The following PRDM9 variants were observed in gnomAD, a reference collection of about 807,000 sequenced individuals.
PRDM9 encodes the protein PR/SET domain 9.
Under a neutral mutation model 55.6 loss-of-function variants are expected in PRDM9, and 47 were observed. That is an observed-to-expected ratio of 0.85 (90% confidence interval 0.67 to 1.08). The LOEUF (loss-of-function observed/expected upper bound fraction) is 1.08. PRDM9 is among the 50% of genes least tolerant of loss of function. The pLI, the probability that PRDM9 is intolerant of heterozygous loss-of-function variation, is 0.00. For synonymous variants in PRDM9, 312 were observed against 375.7 expected (o/e 0.83, Z 1.96); for missense variants, 867 against 1,040.3 (o/e 0.83, Z 2.29).
intron 7 of PRDM9, 86 bp downstream of exon 7, chr5:23,522,491 T>C: frequency 6.3e-7 from 1 of 1,583,710 alleles, no homozygotes; most frequent in Non-Finnish European, 8.7e-7. Context: ...ATCATTCCCT[T>C]ACTCTAATGA....
At chr5:23,523,018 G>A (rs900975630) in intron 8 of PRDM9, 133 bp downstream of exon 8, 2 of 1,495,818 alleles carry the variant, frequency 1.3e-6, no homozygotes, top group African/African-American at 1.4e-5. Flanking sequence ...AAGGTTCTTT[G>A]CATGAACACG....
chr5:23,514,998 C>T (rs1739177289), intron 4 of PRDM9, among the ~76,000 whole-genome samples: 4 of 149,652 alleles, frequency 2.7e-5, no homozygotes, highest in East Asian at 2.0e-4. Flanking sequence ...AGTTTCGCTC[C>T]TGTTGCCCAG....
At chr5:23,510,693 A>G (rs1206969784) in intron 4 of PRDM9, among the ~76,000 whole-genome samples, 5 of 151,302 alleles carry the variant, frequency 3.3e-5, no homozygotes, top group Admixed American at 6.6e-5. Flanking sequence ...ATTATTACAG[A>G]CAAGGTCTCA....
At chr5:23,515,922 T>C (rs545207129) in intron 4 of PRDM9, among the ~76,000 whole-genome samples, 1 of 152,370 alleles carries the variant, frequency 6.6e-6, no homozygotes, top group East Asian at 1.9e-4. Flanking sequence ...AGCTTTGTAA[T>C]ATGCTTTGAA....
At position 23,527,938 on chromosome 5, in the gene PRDM9, A is replaced by G; in HGVS notation, c.*165A>G. The G allele has an allele frequency of 1.1e-6, 1 of 889,428 alleles. No homozygotes were observed. The highest frequency in any genetic ancestry group is 2.6e-5 in the East Asian group (1 of 37,916). 55.1% of individuals were successfully genotyped at this position (889,428 alleles called of 1,614,324 possible). A position where few individuals can be genotyped will look rare whatever the true frequency, so the allele number is the denominator to read the frequency against. On this transcript the variant is annotated 3_prime_UTR_variant, in exon 11 of 11. Transcript: ENST00000296682. ...AAATAACTGATTAAACAAATCCGCCACTTTCATGACTAGAGATGAGGAAGA... is the reference window on the plus strand; with the variant it reads ...AAATAACTGATTAAACAAATCCGCCGCTTTCATGACTAGAGATGAGGAAGA...
chr5:23,517,489 G>C (rs1206087838), intron 4 of PRDM9, among the ~76,000 whole-genome samples: 3 of 151,930 alleles, frequency 2.0e-5, no homozygotes, highest in Admixed American at 2.0e-4. Flanking sequence ...TCTCTAATGA[G>C]AAACTCCAGA....
At chr5:23,517,085 G>A (rs1439416980) in intron 4 of PRDM9, among the ~76,000 whole-genome samples, 3 of 149,304 alleles carry the variant, frequency 2.0e-5, no homozygotes, top group Non-Finnish European at 3.0e-5. Flanking sequence ...CCCACGAGGC[G>A]GAGCTTGCAG....
Position 23,517,711 on chromosome 5 carries a change from C to A in PRDM9, c.302-170C>A, listed in dbSNP as rs559290487. 1.2e-4 allele frequency among the ~76,000 whole-genome samples: 18 copies of A among 152,176 alleles called. 1 individual carries two copies. The highest frequency in any genetic ancestry group is 4.1e-4 in the African/African-American group (17 of 41,538). On this transcript the variant is annotated intron_variant, in intron 4 of 10. Transcript: ENST00000296682. ...CTGAGGCAGGAGAATCGCTTGAATC[C>A]GGGAGAGGGAGGTTGCAGTGAGTGG... is the stretch of plus-strand genomic sequence containing the variant.
Position 23,509,052 on chromosome 5 carries a change from C to G in PRDM9, c.19C>G (p.Gln7Glu), listed in dbSNP as rs752853088. The G allele has an allele frequency of 1.9e-6, 3 of 1,614,058 alleles. No homozygotes were observed. Among genetic ancestry groups the G allele is most frequent in the Non-Finnish European group, 2.5e-6 (3 of 1,179,992 alleles). ...CAGCACCATGAGCCCTGAAAAGTCCCAAGAGGAGAGCCCAGAAGAAGACAC... is the reference window on the plus strand; with the variant it reads ...CAGCACCATGAGCCCTGAAAAGTCCGAAGAGGAGAGCCCAGAAGAAGACAC... Reference protein sequence around the residue: MSPEKSQEESPEEDTER... With the variant: MSPEKSEEESPEEDTER... Residue 7 changes from glutamine (Q) to glutamate (E), a missense_variant, in exon 2 of 11, where the codon CAA (glutamine) becomes GAA (glutamate). Transcript: ENST00000296682.
At chr5:23,525,095 A>G (rs891272877) in intron 10 of PRDM9, among the ~76,000 whole-genome samples, 2 of 152,204 alleles carry the variant, frequency 1.3e-5, no homozygotes, top group South Asian at 2.1e-4. Flanking sequence ...TCCAGAAAGA[A>G]TACCTGGGGA....
At chr5:23,512,777 C>T (rs1358884484) in intron 4 of PRDM9, among the ~76,000 whole-genome samples, 1 of 152,108 alleles carries the variant, frequency 6.6e-6, no homozygotes, top group Non-Finnish European at 1.5e-5. Context: ...CAATAACACC[C>T]CATTTCCTCC....
chr5:23,522,430 C>A (rs772507310), intron 7 of PRDM9, 25 bp downstream of exon 7: 1 of 1,599,658 alleles, frequency 6.3e-7, no homozygotes, highest in Non-Finnish European at 8.6e-7. Context: ...TGGCCACTCA[C>A]ACAGCTTGCT....
chr5:23,523,433 A>G (rs1400924458), intron 9 of PRDM9, 75 bp downstream of exon 9: 1 of 1,453,244 alleles, frequency 6.9e-7, no homozygotes, highest in Non-Finnish European at 9.7e-7. Context: ...CCTTATCATT[A>G]TGCCTCCCTC....
intron 4 of PRDM9, among the ~76,000 whole-genome samples, chr5:23,511,579 A>T (rs1420372700): frequency 6.6e-6 from 1 of 151,762 alleles, no homozygotes; most frequent in East Asian, 1.9e-4. Flanking sequence ...CTCCTTACCC[A>T]CCTCAGTCCA....
chr5:23,509,049 TC>T lies in PRDM9; in HGVS notation c.19del (p.Gln7LysfsTer48). On this transcript the variant is annotated frameshift_variant, in exon 2 of 11. Transcript: ENST00000296682. LOFTEE classifies it high-confidence loss of function. Reference sequence around the variant, plus strand: ...TCCCAGCACCATGAGCCCTGAAAAGTCCCAAGAGGAGAGCCCAGAAGAAGAC... The same window carrying T: ...TCCCAGCACCATGAGCCCTGAAAAGTCCAAGAGGAGAGCCCAGAAGAAGAC... Reference protein sequence around the residue: MSPEKSQEESPEEDTE... With the variant: MSPEKXQEESPEEDTE... 1 of 1,613,916 alleles carries T rather than the reference TC, an allele frequency of 6.2e-7. No individual in the cohort carries two copies. Among genetic ancestry groups the T allele is most frequent in the Non-Finnish European group, 8.5e-7 (1 of 1,179,972 alleles).
chr5:23,522,917 T>A, intron 8 of PRDM9, 32 bp downstream of exon 8: 2 of 1,614,240 alleles, frequency 1.2e-6, no homozygotes, highest in Non-Finnish European at 1.7e-6. Context: ...CCCTGTTCTG[T>A]CTTCCCACAT....
rs182233111 is a variant in PRDM9 at position 23,510,157 on chromosome 5, C to T, written c.301+130C>T. 11,810 of 899,416 alleles carry T rather than the reference C, an allele frequency of 0.013. 144 individuals are homozygous for T. Among genetic ancestry groups the T allele is most frequent in the Middle Eastern group, 0.037 (128 of 3,454 alleles). The allele number at this position is 899,416 out of a possible 1,614,324, so 55.7% of individuals were successfully genotyped here. A position where few individuals can be genotyped will look rare whatever the true frequency, so the allele number is the denominator to read the frequency against. On this transcript the variant is annotated intron_variant, in intron 4 of 10. Transcript: ENST00000296682. Reference sequence around the variant, plus strand: ...GCAATCTCCACCTCCCAGGTTCAAGCGATTCTCCTGCCTCAGCCTCCCAAG... The same window carrying T: ...GCAATCTCCACCTCCCAGGTTCAAGTGATTCTCCTGCCTCAGCCTCCCAAG...
chr5:23,520,890 C>T lies in PRDM9; in HGVS notation c.352-133C>T, dbSNP rs977155594. ...CTCACTTAGACCTTCTCTTTTCCCTCTAGTATTTAGACACTCTAGGTATTT... is the reference window on the plus strand; with the variant it reads ...CTCACTTAGACCTTCTCTTTTCCCTTTAGTATTTAGACACTCTAGGTATTT... On this transcript the variant is annotated intron_variant, in intron 5 of 10. Coordinates refer to ENST00000296682, the MANE Select transcript of PRDM9 (RefSeq NM_020227.4). 7.6e-6 allele frequency: 8 copies of T among 1,057,002 alleles called. No homozygotes were observed. In the African/African-American group the frequency reaches 9.5e-5, roughly 12 times the overall value. 65.5% of individuals were successfully genotyped at this position (1,057,002 alleles called of 1,614,324 possible).
In PRDM9 at chr5:23,522,605, C is replaced by T. The variant is rs1381044427; in HGVS notation, c.611-9C>T. The T allele has an allele frequency of 6.2e-7, 1 of 1,614,124 alleles. No individual in the cohort carries two copies. Among genetic ancestry groups the T allele is most frequent in the Non-Finnish European group, 8.5e-7 (1 of 1,180,048 alleles). On this transcript the variant is annotated splice_polypyrimidine_tract_variant and intron_variant, in intron 7 of 10. Transcript: ENST00000296682. ...CAACTTTCCTAATCTCTGCTTCCCT[C>T]ACTTCCAGATTGTGAGATGTGTCAG...
Sources: gnomAD v4.1 joint callset for allele counts (sites outside exome capture counted in the v4.1 genomes callset) on GRCh38, gnomAD v4.1.1 for gene constraint, MANE v1.5 for transcripts, NCBI Gene and HGNC (gene_info 2026-07-23, HGNC 2026-07-21) for gene names.